DISP1: variants seen among roughly 807,000 people sequenced by gnomAD.
DISP1 encodes the protein protein dispatched homolog 1.
Under a neutral mutation model 37.3 loss-of-function variants are expected in DISP1, and 30 were observed. That is an observed-to-expected ratio of 0.80 (90% CI 0.60 to 1.09). The LOEUF (loss-of-function observed/expected upper bound fraction) is 1.09, where lower values mean the gene tolerates loss of function less well. Among genes scored for constraint, DISP1 ranks in the 50% least tolerant of loss-of-function variants. The probability of loss-of-function intolerance (pLI) is 0.00; values close to 1 mark genes in which losing one functional copy is unlikely to be tolerated. For synonymous variants in DISP1, 634 were observed against 690.2 expected (o/e 0.92, Z 1.28); for missense variants, 1,598 against 1,879.5 (o/e 0.85, Z 2.77).
intron 2 of DISP1, among the ~76,000 whole-genome samples, chr1:222,936,067 T>C (rs1673705425): frequency 6.6e-6 from 1 of 152,198 alleles, no homozygotes; most frequent in South Asian, 2.1e-4. Context: ...TGTTTAGATG[T>C]GTTTATCATT....
chr1:222,942,015 T>C (rs1475218794), intron 2 of DISP1, among the ~76,000 whole-genome samples: 1 of 151,326 alleles, frequency 6.6e-6, no homozygotes. Flanking sequence ...GTTTTTTTGT[T>C]TGTTGATTGG....
At chr1:222,917,695 GTCT>G (rs1223396970) in intron 1 of DISP1, among the ~76,000 whole-genome samples, 16 of 152,302 alleles carry the variant, frequency 1.1e-4, no homozygotes, top group African/African-American at 3.6e-4. Context: ...GCCTTGTACG[GTCT>G]TCTTTTATGG....
intron 7 of DISP1, 123 bp from the exon 8 acceptor site, chr1:222,994,762 T>C: frequency 4.2e-6 from 3 of 712,186 alleles, no homozygotes; most frequent in Non-Finnish European, 4.8e-6. Flanking sequence ...GGAAAGAATT[T>C]CCTGCTGCTA....
At chr1:222,909,738 A>G (rs1672108445) in intron 1 of DISP1, among the ~76,000 whole-genome samples, 2 of 152,206 alleles carry the variant, frequency 1.3e-5, no homozygotes, top group African/African-American at 4.8e-5. Context: ...CCAGAAATAG[A>G]AAGTGATAAG....
intron 1 of DISP1, among the ~76,000 whole-genome samples, chr1:222,844,297 C>T (rs1459330063): frequency 6.6e-6 from 1 of 152,078 alleles, no homozygotes; most frequent in Non-Finnish European, 1.5e-5. Context: ...AGGAAGGAGG[C>T]TTTCAAGTGT....
chr1:222,969,370 C>CAAA (rs71178518), intron 3 of DISP1, among the ~76,000 whole-genome samples: 2,235 of 29,892 alleles, frequency 0.075, 299 homozygotes, highest in African/African-American at 0.22. Context: ...AACTTGGTCT[C>CAAA]AAAAAAAAAA....
chr1:222,884,420 C>T (rs994720576), intron 1 of DISP1, among the ~76,000 whole-genome samples: 1 of 152,154 alleles, frequency 6.6e-6, no homozygotes, highest in African/African-American at 2.4e-5. Flanking sequence ...TGTTGTGTCT[C>T]CGTAGTCTCT....
chr1:222,963,475 T>C (rs967292507), intron 3 of DISP1, among the ~76,000 whole-genome samples: 7 of 152,190 alleles, frequency 4.6e-5, no homozygotes, highest in African/African-American at 1.7e-4. Context: ...AGTATGTTGA[T>C]TGCAGCTCTA....
intron 3 of DISP1, among the ~76,000 whole-genome samples, chr1:222,967,349 G>C (rs924200201): frequency 6.6e-6 from 1 of 152,076 alleles, no homozygotes; most frequent in Admixed American, 6.6e-5. Flanking sequence ...AGCAGAAATT[G>C]TATCTTTGAT....
intron 1 of DISP1, among the ~76,000 whole-genome samples, chr1:222,833,329 C>A (rs375163763): frequency 1.7e-4 from 26 of 152,228 alleles, no homozygotes; most frequent in African/African-American, 6.0e-4. Context: ...TAGGTTCTTC[C>A]GTACACCCTA....
At chr1:222,898,546 C>T (rs1414487025) in intron 1 of DISP1, among the ~76,000 whole-genome samples, 2 of 66,220 alleles carry the variant, frequency 3.0e-5, no homozygotes, top group African/African-American at 6.9e-5. Context: ...CCATGTACCA[C>T]TGTTTTTTTT....
At chr1:222,935,686 G>C (rs956586673) in intron 2 of DISP1, among the ~76,000 whole-genome samples, 5 of 140,296 alleles carry the variant, frequency 3.6e-5, no homozygotes. Context: ...TGTTTGTTAC[G>C]GATAGTGAGG....
chr1:222,988,534 G>A (rs759060724), intron 4 of DISP1, among the ~76,000 whole-genome samples: 3 of 151,946 alleles, frequency 2.0e-5, no homozygotes, highest in East Asian at 1.9e-4. Context: ...GAATAAGGAC[G>A]AGCTTGTATT....
At chr1:222,902,654 ACT>A in intron 1 of DISP1, among the ~76,000 whole-genome samples, 1 of 152,346 alleles carries the variant, frequency 6.6e-6, no homozygotes, top group South Asian at 2.1e-4. Flanking sequence ...ATGAACAGAC[ACT>A]TCTCAAAAGA....
At chr1:223,000,055 A>G (rs1009974267) in intron 8 of DISP1, among the ~76,000 whole-genome samples, 1 of 152,236 alleles carries the variant, frequency 6.6e-6, no homozygotes, top group Non-Finnish European at 1.5e-5. Flanking sequence ...TGAAAAGGTT[A>G]TTCAAGGACA....
At chr1:222,922,271 A>T (rs1008988628) in intron 1 of DISP1, among the ~76,000 whole-genome samples, 2 of 152,146 alleles carry the variant, frequency 1.3e-5, no homozygotes, top group Non-Finnish European at 2.9e-5. Context: ...GCTTGATCAG[A>T]TCTATCTCTT....
intron 3 of DISP1, among the ~76,000 whole-genome samples, chr1:222,978,872 TG>T (rs1359380703): frequency 1.1e-4 from 16 of 152,238 alleles, no homozygotes; most frequent in African/African-American, 3.9e-4. Flanking sequence ...TCTGTTCCAT[TG>T]GTCTATCTCT....
chr1:222,846,551 G>A (rs960230247), intron 1 of DISP1, among the ~76,000 whole-genome samples: 2 of 152,164 alleles, frequency 1.3e-5, no homozygotes, highest in Non-Finnish European at 2.9e-5. Flanking sequence ...AACTAGGATA[G>A]CAGTTCTGCA....
At chr1:222,837,374 A>G (rs1667299331) in intron 1 of DISP1, 3 of 287,930 alleles carry the variant, frequency 1.0e-5, no homozygotes, top group Admixed American at 5.1e-5. Flanking sequence ...ATAAACTTCT[A>G]TCTTCTTTAA....
Sources: gnomAD v4.1 joint callset for allele counts (sites outside exome capture counted in the v4.1 genomes callset) on GRCh38, gnomAD v4.1.1 for gene constraint, MANE v1.5 for transcripts, NCBI Gene and HGNC (gene_info 2026-07-23, HGNC 2026-07-21) for gene names.